XPO6: variants seen among roughly 807,000 people sequenced by gnomAD.
XPO6 encodes the protein exportin 6.
In XPO6, 3 loss-of-function variants were observed where a neutral mutation model predicts 130.0. The ratio of observed to expected loss-of-function variants is 0.02; its 90% CI spans 0.01 to 0.06. The LOEUF (loss-of-function observed/expected upper bound fraction) is 0.06. Among genes scored for constraint, XPO6 ranks in the 10% least tolerant of loss-of-function variants. The pLI, the probability that XPO6 is intolerant of heterozygous loss-of-function variation, is 1.00. For missense variants in XPO6, 970 were observed against 1,393.0 expected, an observed-to-expected ratio of 0.70 and a Z score of 4.83; for synonymous variants, 524 against 548.9, an observed-to-expected ratio of 0.95 and a Z score of 0.63.
intron 17 of XPO6, among the ~76,000 whole-genome samples, chr16:28,108,623 G>A (rs2086840317): frequency 6.6e-6 from 1 of 152,160 alleles, no homozygotes; most frequent in South Asian, 2.1e-4. Flanking sequence ...CCAAAGTGAC[G>A]CCCATGGCTC....
In XPO6 at chr16:28,101,629, G is replaced by T; in HGVS notation, c.3105C>A (p.Val1035=). Residue 1035 remains valine, a synonymous_variant, in exon 23 of 24, where the codon GTC becomes GTA. Coordinates refer to ENST00000304658, the MANE Select transcript of XPO6 (RefSeq NM_015171.4). This position sits in a 1 kb window ranked among gnomAD's most constrained non-coding sequence, Gnocchi z 5.4. ...QFVNVLLQVL[V]HKSHDLLQEE... ...CCTGCAGAAGATCATGGGACTTGTGGACCAGGACCTGGAGCAGCACGTTCA... is the reference window on the plus strand; with the variant it reads ...CCTGCAGAAGATCATGGGACTTGTGTACCAGGACCTGGAGCAGCACGTTCA... 6.2e-7 allele frequency: 1 copy of T among 1,613,940 alleles called. No individual in the cohort carries two copies. Among genetic ancestry groups the T allele is most frequent in the South Asian group, 1.1e-5 (1 of 91,076 alleles).
chr16:28,181,555 C>T (rs994766902), intron 1 of XPO6, among the ~76,000 whole-genome samples: 1 of 151,498 alleles, frequency 6.6e-6, no homozygotes, highest in African/African-American at 2.4e-5. Flanking sequence ...TCTGTTTGCC[C>T]AGGCTGGAGT....
At chr16:28,211,123 CA>C (rs1359266146) in intron 1 of XPO6, among the ~76,000 whole-genome samples, 1 of 152,228 alleles carries the variant, frequency 6.6e-6, no homozygotes, top group Non-Finnish European at 1.5e-5. Flanking sequence ...AGGAGGCAAA[CA>C]CCAGATGCAA....
intron 18 of XPO6, among the ~76,000 whole-genome samples, chr16:28,107,021 A>G (rs2086799219): frequency 6.6e-6 from 1 of 152,208 alleles, no homozygotes; most frequent in African/African-American, 2.4e-5. Context: ...GATCTCAACA[A>G]TCATCTTGTG....
At chr16:28,150,897 T>C (rs1048833314) in intron 8 of XPO6, among the ~76,000 whole-genome samples, 2 of 152,092 alleles carry the variant, frequency 1.3e-5, no homozygotes, top group Non-Finnish European at 2.9e-5. Context: ...TCACTTCAAG[T>C]TCTCCTGAGG....
chr16:28,203,802 G>T (rs985372725), intron 1 of XPO6, among the ~76,000 whole-genome samples: 1 of 152,150 alleles, frequency 6.6e-6, no homozygotes, highest in Non-Finnish European at 1.5e-5. Flanking sequence ...AATTACACAT[G>T]CAAGAACAGG....
chr16:28,170,970 TGTTGA>T (rs767060924), intron 4 of XPO6, among the ~76,000 whole-genome samples: 15 of 152,234 alleles, frequency 9.9e-5, no homozygotes, highest in East Asian at 1.9e-4. Flanking sequence ...TAAAATTATC[TGTTGA>T]GTTAATTGCT....
At chr16:28,128,036 C>A (rs2042595275) in intron 12 of XPO6, among the ~76,000 whole-genome samples, 1 of 152,168 alleles carries the variant, frequency 6.6e-6, no homozygotes, top group South Asian at 2.1e-4. Flanking sequence ...AACCAATGAA[C>A]TGAGAGGGAT....
intron 1 of XPO6, among the ~76,000 whole-genome samples, chr16:28,204,410 G>A (rs570739764): frequency 1.3e-5 from 2 of 151,870 alleles, no homozygotes; most frequent in Non-Finnish European, 2.9e-5. Context: ...CAGATTCTCA[G>A]GGAGAGCACG....
intron 9 of XPO6, among the ~76,000 whole-genome samples, chr16:28,145,025 G>A (rs1022546926): frequency 6.6e-6 from 1 of 152,112 alleles, no homozygotes; most frequent in Non-Finnish European, 1.5e-5. Context: ...AAAGAAGTAG[G>A]AGCTATAACC....
chr16:28,101,950 G>A lies in XPO6; in HGVS notation c.2947-5C>T. On this transcript the variant is annotated splice_polypyrimidine_tract_variant and splice_region_variant and intron_variant, in intron 21 of 23. Coordinates refer to ENST00000304658, the MANE Select transcript of XPO6 (RefSeq NM_015171.4). This position sits in a 1 kb window ranked among gnomAD's most constrained non-coding sequence, Gnocchi z 5.4. ...GAGAAAGGACTGTCCGAAAGCCTAG[G>A]AAATGAGACCACCATTTTATAAACT... 1 of 1,612,662 alleles carries A rather than the reference G, an allele frequency of 6.2e-7. No individual in the cohort carries two copies. Among genetic ancestry groups the A allele is most frequent in the Non-Finnish European group, 8.5e-7 (1 of 1,178,928 alleles).
intron 1 of XPO6, among the ~76,000 whole-genome samples, chr16:28,188,735 A>G (rs182381075): frequency 1.7e-3 from 257 of 151,452 alleles, no homozygotes; most frequent in African/African-American, 6.1e-3. Flanking sequence ...AGGCCTGCAC[A>G]CAAGTATGAG....
At chr16:28,182,858 C>T (rs957387772) in intron 1 of XPO6, among the ~76,000 whole-genome samples, 3 of 151,086 alleles carry the variant, frequency 2.0e-5, no homozygotes, top group African/African-American at 7.3e-5. Flanking sequence ...TAGTCTGTTT[C>T]ATAAATCGAG....
At chr16:28,149,927 T>C (rs917110600) in intron 8 of XPO6, among the ~76,000 whole-genome samples, 1 of 152,242 alleles carries the variant, frequency 6.6e-6, no homozygotes, top group Admixed American at 6.5e-5. Context: ...TCATACTTGT[T>C]AGTGAACAGA....
chr16:28,118,658 G>A lies in XPO6; in HGVS notation c.1860-1196C>T, dbSNP rs555160441. ...AGGTGTGAGGCACTGCACCGGCCTA[G>A]CCTGTTAATCACTTTGAATGAGTAG... On this transcript the variant is annotated intron_variant, in intron 14 of 23. Transcript: ENST00000304658. 9.5e-4 allele frequency among the ~76,000 whole-genome samples: 145 copies of A among 152,304 alleles called. 1 individual carries two copies. Among genetic ancestry groups the A allele is most frequent in the Middle Eastern group, 3.4e-3 (1 of 294 alleles).
chr16:28,133,787 G>T, intron 11 of XPO6, 54 bp downstream of exon 11: 1 of 1,550,982 alleles, frequency 6.4e-7, no homozygotes. Context: ...AACCAGCCAT[G>T]CTCTGTGTAC....
chr16:28,118,940 G>C (rs974975468), intron 14 of XPO6, among the ~76,000 whole-genome samples: 4 of 152,194 alleles, frequency 2.6e-5, no homozygotes, highest in Non-Finnish European at 5.9e-5. Context: ...AAAACGGATA[G>C]GATTGCTACT....
In XPO6 at chr16:28,107,824, T is replaced by A. The variant is rs377377313; in HGVS notation, c.2342-147A>T. 2.7e-4 allele frequency: 246 copies of A among 897,222 alleles called. No individual in the cohort carries two copies. The East Asian group carries it at 4.6e-3, about 17-fold the overall frequency. 55.6% of individuals were successfully genotyped at this position (897,222 alleles called of 1,614,324 possible). ...TAAAGGAACAGTCTCTTGATTACAA[T>A]ATAAATTCTCCTCTCTTTATGTTTT... On this transcript the variant is annotated intron_variant, in intron 17 of 23. Coordinates refer to ENST00000304658, the MANE Select transcript of XPO6 (RefSeq NM_015171.4).
chr16:28,182,238 G>T (rs1362022663), intron 1 of XPO6, among the ~76,000 whole-genome samples: 1 of 152,126 alleles, frequency 6.6e-6, no homozygotes, highest in Non-Finnish European at 1.5e-5. Context: ...TGTGTCACAT[G>T]TCAAACTGTA....
Sources: gnomAD v4.1 joint callset for allele counts (sites outside exome capture counted in the v4.1 genomes callset) on GRCh38, gnomAD v4.1.1 for gene constraint, Gnocchi (gnomAD v3.1) non-coding constraint, MANE v1.5 for transcripts, NCBI Gene and HGNC (gene_info 2026-07-23, HGNC 2026-07-21) for gene names.